The following NTRK2 variants were observed in gnomAD, a reference collection of about 807,000 sequenced individuals.
The protein encoded by NTRK2 is neurotrophic receptor tyrosine kinase 2, also known as BDNF/NT-3 growth factors receptor.
Under a neutral mutation model 94.5 loss-of-function variants are expected in NTRK2, and 13 were observed. The observed-to-expected ratio is 0.14, with a 90% CI of 0.09 to 0.22. The LOEUF (loss-of-function observed/expected upper bound fraction) is 0.22. Ranked by LOEUF, NTRK2 falls within the 10% of genes least tolerant of loss-of-function variation. The pLI, the probability that NTRK2 is intolerant of heterozygous loss-of-function variation, is 1.00. For synonymous variants in NTRK2, 372 were observed against 407.4 expected, an observed-to-expected ratio of 0.91 and a Z score of 1.05; for missense variants, 639 against 1,071.2, an observed-to-expected ratio of 0.60 and a Z score of 5.63.
At chr9:85,004,526 C>A (rs979924711) in intron 17 of NTRK2, among the ~76,000 whole-genome samples, 2 of 152,110 alleles carry the variant, frequency 1.3e-5, no homozygotes, top group Non-Finnish European at 2.9e-5. Context: ...ATCCTAAATG[C>A]CAATGATCTG....
intron 12 of NTRK2, among the ~76,000 whole-genome samples, chr9:84,793,295 C>CA (rs112839690): frequency 0.65 from 98,496 of 150,694 alleles, 32,194 homozygotes; most frequent in East Asian, 0.72. Context: ...GAAAACAATC[C>CA]AAAAAAAAAA....
intron 2 of NTRK2, among the ~76,000 whole-genome samples, chr9:84,680,467 C>G (rs988423983): frequency 4.6e-5 from 7 of 152,208 alleles, no homozygotes; most frequent in African/African-American, 1.7e-4. Context: ...CTTGCATCTG[C>G]AACCAGTTAC....
intron 17 of NTRK2, among the ~76,000 whole-genome samples, chr9:85,006,918 A>G (rs1564544921): frequency 6.6e-6 from 1 of 152,212 alleles, no homozygotes; most frequent in Non-Finnish European, 1.5e-5. Context: ...CAGCACTTAC[A>G]GGAAGCTGCC....
At chr9:84,762,881 T>A (rs1469252651) in intron 12 of NTRK2, among the ~76,000 whole-genome samples, 1 of 152,160 alleles carries the variant, frequency 6.6e-6, no homozygotes, top group Non-Finnish European at 1.5e-5. Flanking sequence ...TGGGAAATAG[T>A]GGAGAGTGTG....
intron 12 of NTRK2, among the ~76,000 whole-genome samples, chr9:84,754,695 TGA>T (rs1417485257): frequency 1.3e-5 from 2 of 152,322 alleles, no homozygotes; most frequent in East Asian, 3.9e-4. Context: ...AGGCACCATG[TGA>T]AAGGCTTGTG....
intron 12 of NTRK2, among the ~76,000 whole-genome samples, chr9:84,807,368 G>C (rs572563506): frequency 1.3e-5 from 2 of 152,160 alleles, no homozygotes; most frequent in African/African-American, 4.8e-5. Flanking sequence ...AATAGCAGAG[G>C]TTGAGTTTCA....
intron 12 of NTRK2, chr9:84,814,271 T>C: frequency 9.4e-7 from 1 of 1,065,404 alleles, no homozygotes. Flanking sequence ...TTGGAGCATC[T>C]CCTCAGACAG....
intron 12 of NTRK2, among the ~76,000 whole-genome samples, chr9:84,757,014 A>G (rs1023769252): frequency 1.3e-5 from 2 of 152,248 alleles, no homozygotes; most frequent in African/African-American, 4.8e-5. Flanking sequence ...AGCTGAAAAC[A>G]ATTCTGGGAA....
Position 85,023,856 on chromosome 9 carries a change from T to C in NTRK2, c.*2419T>C, listed in dbSNP as rs143350288. 9.8e-3 allele frequency: 2,242 copies of C among 229,110 alleles called. 21 individuals are homozygous for C. Among genetic ancestry groups the C allele is most frequent in the South Asian group, 0.03 (165 of 5,480 alleles). 14.2% of individuals were successfully genotyped at this position (229,110 alleles called of 1,614,324 possible). On this transcript the variant is annotated 3_prime_UTR_variant, in exon 19 of 19. Transcript: ENST00000277120. ...ATCTCGGGGGAAAAGCTACAAGTTATTTATTTTATTTTAAGAGAATAAAGT... is the reference window on the plus strand; with the variant it reads ...ATCTCGGGGGAAAAGCTACAAGTTACTTATTTTATTTTAAGAGAATAAAGT...
At chr9:84,825,560 AG>A (rs1168804448) in intron 12 of NTRK2, among the ~76,000 whole-genome samples, 1 of 152,206 alleles carries the variant, frequency 6.6e-6, no homozygotes, top group Non-Finnish European at 1.5e-5. Flanking sequence ...CATTAAAACA[AG>A]GGTGGGGTGA....
At chr9:84,931,557 A>T (rs2078030861) in intron 14 of NTRK2, among the ~76,000 whole-genome samples, 1 of 152,200 alleles carries the variant, frequency 6.6e-6, no homozygotes, top group Admixed American at 6.5e-5. Flanking sequence ...TAAAGAAAAG[A>T]TGCAGCTCTC....
intron 14 of NTRK2, among the ~76,000 whole-genome samples, chr9:84,899,272 ATTATC>A (rs2076854294): frequency 6.6e-6 from 1 of 152,240 alleles, no homozygotes; most frequent in Non-Finnish European, 1.5e-5. Context: ...TAAAAACAAA[ATTATC>A]TTATCTAATT....
At chr9:84,753,267 C>T (rs1388089289) in intron 12 of NTRK2, among the ~76,000 whole-genome samples, 2 of 152,016 alleles carry the variant, frequency 1.3e-5, no homozygotes, top group Non-Finnish European at 2.9e-5. Context: ...ATAAATAAAG[C>T]TTGGGAGAGG....
At chr9:84,745,890 G>C (rs2064024608) in intron 11 of NTRK2, among the ~76,000 whole-genome samples, 1 of 151,728 alleles carries the variant, frequency 6.6e-6, no homozygotes, top group Non-Finnish European at 1.5e-5. Flanking sequence ...AAGAGCCATT[G>C]AAGAGGGAAG....
At chr9:84,769,269 T>G (rs1205884506) in intron 12 of NTRK2, among the ~76,000 whole-genome samples, 1 of 152,184 alleles carries the variant, frequency 6.6e-6, no homozygotes, top group African/African-American at 2.4e-5. Context: ...ATGTGTTACT[T>G]AAAAATATTC....
chr9:84,834,654 T>C (rs1036627281), intron 12 of NTRK2, among the ~76,000 whole-genome samples: 3 of 152,112 alleles, frequency 2.0e-5, no homozygotes, highest in African/African-American at 7.2e-5. Flanking sequence ...CTGGCTCGGG[T>C]TACTACCTCT....
chr9:84,740,550 C>T (rs1172387674), intron 9 of NTRK2, among the ~76,000 whole-genome samples: 1 of 152,190 alleles, frequency 6.6e-6, no homozygotes, highest in African/African-American at 2.4e-5. Context: ...AGGGTGTGCA[C>T]TGCACAATTT....
intron 17 of NTRK2, among the ~76,000 whole-genome samples, chr9:85,001,084 C>G (rs1830286365): frequency 6.6e-6 from 1 of 152,168 alleles, no homozygotes; most frequent in Non-Finnish European, 1.5e-5. Context: ...ACAATTGAGT[C>G]TAGTTTAAAA....
intron 14 of NTRK2, among the ~76,000 whole-genome samples, chr9:84,932,030 G>A (rs1361267967): frequency 6.6e-6 from 1 of 152,126 alleles, no homozygotes; most frequent in Non-Finnish European, 1.5e-5. Context: ...ATCACCCTGA[G>A]TTCCCAGAGG....
Sources: gnomAD v4.1 joint callset for allele counts (sites outside exome capture counted in the v4.1 genomes callset) on GRCh38, gnomAD v4.1.1 for gene constraint, MANE v1.5 for transcripts, NCBI Gene and HGNC (gene_info 2026-07-23, HGNC 2026-07-21) for gene names.